MLANA: variants seen among roughly 807,000 people sequenced by gnomAD.
MLANA encodes melanoma antigen recognized by T-cells 1.
In MLANA, 21 loss-of-function variants were observed where a neutral mutation model predicts 15.7. That is an observed-to-expected ratio of 1.33 (90% CI 0.95 to 1.92). MLANA has a LOEUF of 1.92. MLANA is among the 40% of genes most tolerant of loss of function. The probability of loss-of-function intolerance (pLI) is 0.00; values close to 1 mark genes in which losing one functional copy is unlikely to be tolerated. For synonymous variants in MLANA, 56 were observed against 51.5 expected (o/e 1.09, Z -0.37); for missense variants, 164 against 143.8 (o/e 1.14, Z -0.72).
At chr9:5,900,863 T>C (rs1832370681) in intron 3 of MLANA, among the ~76,000 whole-genome samples, 1 of 152,224 alleles carries the variant, frequency 6.6e-6, no homozygotes, top group Admixed American at 6.5e-5. Context: ...AAAATACTTT[T>C]GATTCTTGGA....
Position 5,908,708 on chromosome 9 carries a change from A to G in MLANA, c.357A>G (p.Ter119=). The change falls in exon 5 of 5, where the codon TAA becomes TAG. Residue 119 remains the stop codon, a stop_retained_variant. Coordinates refer to ENST00000381477, the MANE Select transcript of MLANA (RefSeq NM_005511.2). ...AGTCACCACCACCTTATTCACCTTA[A>G]GAGCCAGCGAGACACCTGAGACATG... is the stretch of plus-strand genomic sequence containing the variant. The part of the protein sequence containing the change: ...AEQSPPPYSP[*] 6.2e-7 allele frequency: 1 copy of G among 1,613,224 alleles called. No homozygotes were observed. The highest frequency in any genetic ancestry group is 8.5e-7 in the Non-Finnish European group (1 of 1,179,190).
rs1833036455 is a variant in MLANA at position 5,909,540 on chromosome 9, G to A, written c.*832G>A. 1.3e-5 allele frequency: 2 copies of A among 152,314 alleles called. No individual in the cohort carries two copies. Among genetic ancestry groups the A allele is most frequent in the African/African-American group, 2.4e-5 (1 of 41,460 alleles). The allele number at this position is 152,314 out of a possible 1,614,324, so 9.4% of individuals were successfully genotyped here. A position where few individuals can be genotyped will look rare whatever the true frequency, so the allele number is the denominator to read the frequency against. On this transcript the variant is annotated 3_prime_UTR_variant, in exon 5 of 5. Transcript: ENST00000381477. The stretch of plus-strand genomic sequence containing the variant: ...CCCAAAGTGCTGGAATTACAGGCGT[G>A]AGCCACCACGCCTGGCTGGATCCTA...
At chr9:5,903,553 G>C (rs1375185799) in intron 3 of MLANA, among the ~76,000 whole-genome samples, 3 of 152,082 alleles carry the variant, frequency 2.0e-5, no homozygotes, top group African/African-American at 7.2e-5. Flanking sequence ...TTTTTTACCT[G>C]CTGGCTTTGT....
In MLANA at chr9:5,897,620, T is replaced by A. The variant is rs750633035; in HGVS notation, c.141T>A (p.Tyr47Ter). The A allele has an allele frequency of 5.0e-6, 8 of 1,614,022 alleles. 1 individual carries two copies. The Admixed American group carries it at 1.3e-4, about 27-fold the overall frequency. ...LGVLLLIGCW[Y>*]CRRRNGYRAL... ...TCTTACTGCTCATCGGCTGTTGGTA[T>A]TGTAGAAGACGAAATGGATACAGAG... The change falls in exon 3 of 5, where the codon TAT (tyrosine) becomes TAA (stop). Residue 47 changes from tyrosine to a stop codon, truncating the protein, a stop_gained. Coordinates refer to ENST00000381477, the MANE Select transcript of MLANA (RefSeq NM_005511.2). LOFTEE classifies it high-confidence loss of function.
At chr9:5,900,606 T>A (rs1316409210) in intron 3 of MLANA, among the ~76,000 whole-genome samples, 1 of 152,222 alleles carries the variant, frequency 6.6e-6, no homozygotes, top group Non-Finnish European at 1.5e-5. Flanking sequence ...TTACTCCACC[T>A]TTAACAATCT....
intron 1 of MLANA, among the ~76,000 whole-genome samples, chr9:5,891,737 G>C (rs1831668910): frequency 2.0e-5 from 3 of 152,182 alleles, no homozygotes; most frequent in African/African-American, 7.2e-5. Flanking sequence ...TCCTAGCCAA[G>C]GGACTTGAAC....
chr9:5,897,439 T>G lies in MLANA; in HGVS notation c.78-118T>G, dbSNP rs1832103784. ...GGGAGGTGGGAAACTACTTGGACAC[T>G]GGGAGATGCTGCTCTGGGTCGTCAA... On this transcript the variant is annotated intron_variant, in intron 2 of 4. Coordinates refer to ENST00000381477, the MANE Select transcript of MLANA (RefSeq NM_005511.2). 1.3e-5 allele frequency: 12 copies of G among 891,052 alleles called. No homozygotes were observed. The South Asian group carries it at 1.6e-4, about 12-fold the overall frequency. 55.2% of individuals were successfully genotyped at this position (891,052 alleles called of 1,614,324 possible).
chr9:5,896,912 A>G (rs560118401), intron 2 of MLANA, among the ~76,000 whole-genome samples: 1 of 152,346 alleles, frequency 6.6e-6, no homozygotes, highest in Admixed American at 6.5e-5. Context: ...TAGGGCTGCA[A>G]GGAGCAAAGC....
intron 3 of MLANA, among the ~76,000 whole-genome samples, chr9:5,905,534 T>C (rs1459416498): frequency 6.6e-6 from 1 of 152,202 alleles, no homozygotes; most frequent in African/African-American, 2.4e-5. Flanking sequence ...CCATATAATG[T>C]GGTATACTTT....
chr9:5,900,894 T>G (rs1832373088), intron 3 of MLANA, among the ~76,000 whole-genome samples: 1 of 145,994 alleles, frequency 6.8e-6, no homozygotes, highest in South Asian at 2.2e-4. Flanking sequence ...GCCCTTGCTC[T>G]CAGCTCAGTT....
rs1833082604 is a variant in MLANA at position 5,910,234 on chromosome 9, A to T, written c.*1526A>T. The T allele has an allele frequency of 6.6e-6, 1 of 152,184 alleles. No individual in the cohort carries two copies. The highest frequency in any genetic ancestry group is 1.5e-5 in the Non-Finnish European group (1 of 68,024). The allele number at this position is 152,184 out of a possible 1,614,324, so 9.4% of individuals were successfully genotyped here. A position where few individuals can be genotyped will look rare whatever the true frequency, so the allele number is the denominator to read the frequency against. ...CTATTTAACGGTGAGTCAGTAAACC[A>T]CCTAAAAATCATCTTGTCTCATCAG... On this transcript the variant is annotated 3_prime_UTR_variant, in exon 5 of 5. Coordinates refer to ENST00000381477, the MANE Select transcript of MLANA (RefSeq NM_005511.2).
At chr9:5,900,783 G>T (rs985828495) in intron 3 of MLANA, among the ~76,000 whole-genome samples, 22 of 152,224 alleles carry the variant, frequency 1.4e-4, no homozygotes, top group Non-Finnish European at 2.9e-4. Flanking sequence ...AGTGGGAAAT[G>T]ATTTGTAATA....
chr9:5,906,929 A>G lies in MLANA; in HGVS notation c.219A>G (p.Arg73=), dbSNP rs780198810. The G allele has an allele frequency of 1.9e-6, 3 of 1,597,082 alleles. No individual in the cohort carries two copies. Among genetic ancestry groups the G allele is most frequent in the Non-Finnish European group, 1.7e-6 (2 of 1,173,428 alleles). The change falls in exon 4 of 5, where the codon AGA becomes AGG. Residue 73 remains arginine, a synonymous_variant. Coordinates refer to ENST00000381477, the MANE Select transcript of MLANA (RefSeq NM_005511.2). ...HVGTQCALTR[R]CPQEGFDHRD... is the part of the protein sequence containing the mutation. ...GCACTCAATGTGCCTTAACAAGAAG[A>G]TGCCCACAAGAAGGGTTTGATCATC...
intron 3 of MLANA, among the ~76,000 whole-genome samples, chr9:5,901,809 A>G (rs570983610): frequency 1.2e-4 from 19 of 152,338 alleles, no homozygotes; most frequent in African/African-American, 4.1e-4. Context: ...GGCGTGAGCC[A>G]CCACGCCTGG....
intron 4 of MLANA, 48 bp from the exon 5 acceptor site, chr9:5,908,592 C>G (rs1563824276): frequency 6.7e-7 from 1 of 1,481,620 alleles, no homozygotes; most frequent in Non-Finnish European, 9.4e-7. Context: ...TTCCTAGAAA[C>G]ACATACACTG....
At chr9:5,898,703 G>C (rs2129931429) in intron 3 of MLANA, among the ~76,000 whole-genome samples, 1 of 152,220 alleles carries the variant, frequency 6.6e-6, no homozygotes, top group South Asian at 2.1e-4. Context: ...AATTCTTGCT[G>C]GTTCTGTTAC....
In MLANA at chr9:5,906,968, G is replaced by A; in HGVS notation, c.258G>A (p.Val86=). ...GGTTTGATCATCGGGACAGCAAAGT[G>A]TCTCTTCAAGAGAAAAACTGTGAAC... ...QEGFDHRDSK[V]SLQEKNCEPV... The change falls in exon 4 of 5, where the codon GTG becomes GTA. Residue 86 remains valine, a synonymous_variant. Transcript: ENST00000381477. The A allele has an allele frequency of 6.3e-7, 1 of 1,598,962 alleles. No individual in the cohort carries two copies. The highest frequency in any genetic ancestry group is 8.5e-7 in the Non-Finnish European group (1 of 1,174,446).
At chr9:5,892,651 T>C (rs1668416317) in intron 2 of MLANA, 100 bp downstream of exon 2, 3 of 905,386 alleles carry the variant, frequency 3.3e-6, no homozygotes, top group Non-Finnish European at 5.0e-6. Context: ...ATCTCCCTAG[T>C]GTTTATCTCC....
intron 2 of MLANA, among the ~76,000 whole-genome samples, chr9:5,896,142 G>C (rs1831998059): frequency 6.6e-6 from 1 of 152,188 alleles, no homozygotes; most frequent in Non-Finnish European, 1.5e-5. Context: ...TGTGAATGTT[G>C]GTTCTGCCAC....
Sources: gnomAD v4.1 joint callset for allele counts (sites outside exome capture counted in the v4.1 genomes callset) on GRCh38, gnomAD v4.1.1 for gene constraint, MANE v1.5 for transcripts, NCBI Gene and HGNC (gene_info 2026-07-23, HGNC 2026-07-21) for gene names.